Variants in UMODL1 observed in about 807,000 individuals in gnomAD.
UMODL1 encodes uromodulin like 1.
In UMODL1, 128 loss-of-function variants were observed where a neutral mutation model predicts 136.3. That is an observed-to-expected ratio of 0.94 (90% confidence interval 0.81 to 1.09). The LOEUF is 1.09. Among genes scored for constraint, UMODL1 ranks in the 50% least tolerant of loss-of-function variants. The pLI is 0.00. For synonymous variants in UMODL1, 721 were observed against 720.0 expected, an observed-to-expected ratio of 1.00 and a Z score of -0.02; for missense variants, 1,766 against 1,725.6, an observed-to-expected ratio of 1.02 and a Z score of -0.41.
chr21:42,109,147 T>G (rs2066778389), intron 9 of UMODL1, among the ~76,000 whole-genome samples: 1 of 140,806 alleles, frequency 7.1e-6, no homozygotes, highest in African/African-American at 2.6e-5. Context: ...ATGCGGAAAG[T>G]TCACGTTATA....
At chr21:42,095,092 T>G (rs910406565) in intron 6 of UMODL1, among the ~76,000 whole-genome samples, 3 of 114,474 alleles carry the variant, frequency 2.6e-5, no homozygotes, top group South Asian at 3.4e-4. Flanking sequence ...TTCTGCTGTT[T>G]TTTTTTTTTT....
Position 42,129,698 on chromosome 21 carries a change from G to GA in UMODL1, c.3691-4dup, listed in dbSNP as rs56804381. 0.079 allele frequency: 78,723 copies of GA among 993,778 alleles called. 4 individuals are homozygous for GA. Among genetic ancestry groups the GA allele is most frequent in the South Asian group, 0.091 (4,998 of 54,988 alleles). The allele number at this position is 993,778 out of a possible 1,614,324, so 61.6% of individuals were successfully genotyped here. A position where few individuals can be genotyped will look rare whatever the true frequency, so the allele number is the denominator to read the frequency against. ...AATTAATTTGACGTTTCTCTTCTTG[G>GA]AAAAAAAAAAACAGAATTGCAATAA... On this transcript the variant is annotated splice_polypyrimidine_tract_variant and intron_variant, in intron 20 of 22. Coordinates refer to ENST00000408910, the MANE Select transcript of UMODL1 (RefSeq NM_001004416.3).
chr21:42,084,931 C>T (rs1421075590), intron 3 of UMODL1, among the ~76,000 whole-genome samples: 2 of 150,402 alleles, frequency 1.3e-5, no homozygotes, highest in African/African-American at 2.5e-5. Context: ...AAAATAATGA[C>T]AAAGTATAAA....
chr21:42,090,960 G>C (rs374687599), intron 6 of UMODL1, among the ~76,000 whole-genome samples: 11 of 152,184 alleles, frequency 7.2e-5, no homozygotes, highest in Non-Finnish European at 1.6e-4. Context: ...GTGAGCTGCC[G>C]TTTTTTTCTT....
chr21:42,113,571 A>G lies in UMODL1; in HGVS notation c.2105-2A>G. ...TTTTGGTGTTTATATTCCACTTCCC[A>G]GTTCCTGTCTCCATTGGGAGGATCA... On this transcript the variant is annotated splice_acceptor_variant, in intron 12 of 22. Coordinates refer to ENST00000408910, the MANE Select transcript of UMODL1 (RefSeq NM_001004416.3). LOFTEE classifies it high-confidence loss of function. 2 of 1,609,104 alleles carry G rather than the reference A, an allele frequency of 1.2e-6. No homozygotes were observed. Among genetic ancestry groups the G allele is most frequent in the Non-Finnish European group, 1.7e-6 (2 of 1,176,090 alleles).
intron 22 of UMODL1, among the ~76,000 whole-genome samples, chr21:42,139,241 T>C (rs1450805374): frequency 6.6e-6 from 1 of 152,180 alleles, no homozygotes; most frequent in African/African-American, 2.4e-5. Flanking sequence ...CTCCAAATGC[T>C]GTAAGGGAAG....
chr21:42,107,757 C>G (rs769974382), intron 9 of UMODL1, among the ~76,000 whole-genome samples: 7 of 152,156 alleles, frequency 4.6e-5, no homozygotes, highest in Admixed American at 1.3e-4. Flanking sequence ...GACAGGGTGG[C>G]CCAGGAGATC....
chr21:42,093,574 A>G, intron 6 of UMODL1: 1 of 226,404 alleles, frequency 4.4e-6, no homozygotes, highest in South Asian at 5.6e-5. Flanking sequence ...GGGGGAGTGG[A>G]CCAGTTCCCA....
At chr21:42,138,682 T>C (rs1447879058) in intron 22 of UMODL1, among the ~76,000 whole-genome samples, 1 of 152,072 alleles carries the variant, frequency 6.6e-6, no homozygotes, top group Admixed American at 6.6e-5. Flanking sequence ...TTAAAGCGAT[T>C]CTCCTGTCTC....
At chr21:42,113,540 T>C (rs1569164837) in intron 12 of UMODL1, 33 bp from the exon 13 acceptor site, 3 of 1,585,248 alleles carry the variant, frequency 1.9e-6, no homozygotes, top group South Asian at 1.1e-5. Flanking sequence ...AATGGCTTGA[T>C]TGTAATTTTG....
chr21:42,069,013 C>G (rs1170437269), upstream of UMODL1, among the ~76,000 whole-genome samples: 2 of 152,188 alleles, frequency 1.3e-5, no homozygotes, highest in Non-Finnish European at 2.9e-5. Flanking sequence ...TTGGGGCTCT[C>G]TGCTGGATGG....
intron 2 of UMODL1, among the ~76,000 whole-genome samples, chr21:42,077,000 GGGGTGT>G (rs2066299480): frequency 7.4e-6 from 1 of 135,418 alleles, no homozygotes; most frequent in South Asian, 2.5e-4. Context: ...TTCCAGGGGA[GGGGTGT>G]GTGTGTGTGT....
rs149707519 is a variant in UMODL1 at position 42,101,534 on chromosome 21, G to A, written c.1187-632G>A. 6.0e-3 allele frequency among the ~76,000 whole-genome samples: 916 copies of A among 152,254 alleles called. 9 individuals carry two copies. The highest frequency in any genetic ancestry group is 0.02 in the African/African-American group (847 of 41,536). ...AACTAGAGAAACATGCAGAATTGCC[G>A]CCGACCTGCTCCTGTGCCCGCCGAC... is the stretch of plus-strand genomic sequence containing the variant. On this transcript the variant is annotated intron_variant, in intron 7 of 22. Transcript: ENST00000408910.
chr21:42,081,971 G>C (rs899477815), intron 2 of UMODL1, among the ~76,000 whole-genome samples: 3 of 152,128 alleles, frequency 2.0e-5, no homozygotes, highest in African/African-American at 4.8e-5. Flanking sequence ...TGCCCTCCTC[G>C]AGCTGCACCC....
At chr21:42,119,398 G>A (rs1330348411) in intron 15 of UMODL1, 74 bp downstream of exon 15, 20 of 1,411,074 alleles carry the variant, frequency 1.4e-5, no homozygotes, top group Admixed American at 6.9e-5. Flanking sequence ...ACCACCCTTC[G>A]CTTTTGAAAG....
chr21:42,132,404 A>C lies in UMODL1; in HGVS notation c.3775+2607A>C, dbSNP rs148613892. On this transcript the variant is annotated intron_variant, in intron 21 of 22. Transcript: ENST00000408910. ...CCATCCATCATCCATCCATCCACTC[A>C]TCCAACCATACATTCATCTGTCATC... Among the ~76,000 whole-genome samples the C allele has an allele frequency of 4.3e-3, 649 of 151,700 alleles. 7 individuals are homozygous for C. The highest frequency in any genetic ancestry group is 0.015 in the African/African-American group (622 of 41,306).
chr21:42,063,406 C>G (rs1233147842), intron 1 of UMODL1, among the ~76,000 whole-genome samples: 1 of 152,308 alleles, frequency 6.6e-6, no homozygotes, highest in African/African-American at 2.4e-5. Flanking sequence ...TCGGAGTCCC[C>G]CCTGGTGTCC....
chr21:42,128,220 A>T, intron 20 of UMODL1: 1 of 302,996 alleles, frequency 3.3e-6, no homozygotes, highest in Non-Finnish European at 6.5e-6. Flanking sequence ...AATATCAGAC[A>T]CTCTGTTATT....
chr21:42,126,234 AG>A, intron 17 of UMODL1, 110 bp from the exon 18 acceptor site: 1 of 1,469,150 alleles, frequency 6.8e-7, no homozygotes, highest in Non-Finnish European at 9.1e-7. Flanking sequence ...TGCTGGGGAG[AG>A]GCTTTAGAGA....
Sources: gnomAD v4.1 joint callset for allele counts (sites outside exome capture counted in the v4.1 genomes callset) on GRCh38, gnomAD v4.1.1 for gene constraint, MANE v1.5 for transcripts, NCBI Gene and HGNC (gene_info 2026-07-23, HGNC 2026-07-21) for gene names.